The following SPRTN variants were observed in gnomAD, a reference collection of about 807,000 sequenced individuals.
SPRTN encodes the protein SprT-like N-terminal domain.
A neutral mutation model predicts 31.9 loss-of-function variants in SPRTN; 11 were observed. That is an observed-to-expected ratio of 0.34 (90% CI 0.22 to 0.57). The LOEUF is 0.57. SPRTN is among the 20% of genes least tolerant of loss of function. SPRTN has a pLI of 0.86. For synonymous variants in SPRTN, 185 were observed against 212.1 expected (o/e 0.87, Z 1.11); for missense variants, 482 against 590.1 (o/e 0.82, Z 1.90).
At chr1:231,340,081 G>C (rs1312480571) in intron 2 of SPRTN, 1 of 419,566 alleles carries the variant, frequency 2.4e-6, no homozygotes, top group Non-Finnish European at 4.3e-6. Context: ...GGCTTCTAGG[G>C]GCCGGGCACG....
rs140414301 is a variant in SPRTN at position 231,340,113 on chromosome 1, G to A, written c.321+245G>A. The A allele has an allele frequency of 6.8e-3, 2,122 of 310,382 alleles. 20 individuals carry two copies. The highest frequency in any genetic ancestry group is 9.7e-3 in the South Asian group (257 of 26,402). 19.2% of individuals were successfully genotyped at this position (310,382 alleles called of 1,614,324 possible). On this transcript the variant is annotated intron_variant, in intron 2 of 4. Coordinates refer to ENST00000295050, the MANE Select transcript of SPRTN (RefSeq NM_032018.7). ...CACGCTGGCTCACGCCTGTAATCCC[G>A]ACACTTTGGGAGGCCGAGGCGGGCG...
intron 4 of SPRTN, 35 bp from the exon 5 acceptor site, chr1:231,352,575 C>G: frequency 6.5e-7 from 1 of 1,530,938 alleles, no homozygotes; most frequent in African/African-American, 1.4e-5. Context: ...TGAGTTGAGG[C>G]ACTTACATAA....
intron 1 of SPRTN, 168 bp from the exon 2 acceptor site, chr1:231,339,601 G>T (rs1350524082): frequency 6.2e-6 from 5 of 807,746 alleles, no homozygotes; most frequent in Non-Finnish European, 4.2e-6. Context: ...GGCGCCCGCG[G>T]GGGTTGTAAC....
At position 231,354,364 on chromosome 1, in the gene SPRTN, T is replaced by C; in HGVS notation, c.*1003T>C. 3.0e-6 allele frequency: 3 copies of C among 985,348 alleles called. No homozygotes were observed. The highest frequency in any genetic ancestry group is 3.6e-6 in the Non-Finnish European group (3 of 829,836). The allele number at this position is 985,348 out of a possible 1,614,324, so 61.0% of individuals were successfully genotyped here. ...TGCTGTTGGCATAGCCCTAACACAG[T>C]TGTTCACAAGTTTTCTTTTTTCTTG... is the stretch of plus-strand genomic sequence containing the variant. On this transcript the variant is annotated 3_prime_UTR_variant, in exon 5 of 5. Transcript: ENST00000295050.
chr1:231,340,055 A>AAAC (rs1553343410), intron 2 of SPRTN, 187 bp downstream of exon 2: 3 of 500,426 alleles, frequency 6.0e-6, no homozygotes, highest in African/African-American at 2.0e-5. Context: ...AGTAAAAAAA[A>AAAC]AAAAAACAAA....
intron 4 of SPRTN, 60 bp from the exon 5 acceptor site, chr1:231,352,550 T>C (rs940228371): frequency 1.3e-6 from 2 of 1,520,618 alleles, no homozygotes; most frequent in African/African-American, 2.8e-5. Flanking sequence ...TTAATGTTTG[T>C]TACTGTATTT....
intron 2 of SPRTN, among the ~76,000 whole-genome samples, chr1:231,347,413 G>T (rs1379345772): frequency 1.3e-5 from 2 of 152,160 alleles, no homozygotes; most frequent in African/African-American, 4.8e-5. Flanking sequence ...AGGCTGGAGT[G>T]CAGTGGCACA....
At position 231,339,791 on chromosome 1, in the gene SPRTN, G is replaced by A. The variant is rs1377790976; in HGVS notation, c.244G>A (p.Glu82Lys). The A allele has an allele frequency of 6.2e-7, 1 of 1,614,194 alleles. No individual in the cohort carries two copies. The highest frequency in any genetic ancestry group is 1.7e-5 in the Admixed American group (1 of 60,020). Residue 82 changes from glutamate to lysine, a missense_variant, in exon 2 of 5, where the codon GAA (glutamate) becomes AAA (lysine). By Grantham distance (56) the Glu-to-Lys change is moderately conservative. Transcript: ENST00000295050. Reference protein sequence around the residue: ...MTLCAGICSYEGKGGMCSIRL... With the variant: ...MTLCAGICSYKGKGGMCSIRL... The stretch of plus-strand genomic sequence containing the variant: ...TAGGTGTGCTGGGATATGCAGCTAT[G>A]AAGGGAAGGGTGGAATGTGTTCCAT...
intron 4 of SPRTN, chr1:231,352,100 A>G (rs997754111): frequency 2.0e-6 from 2 of 989,456 alleles, no homozygotes; most frequent in African/African-American, 3.5e-5. Flanking sequence ...TTCATCTTCA[A>G]GATTTACCCT....
intron 2 of SPRTN, among the ~76,000 whole-genome samples, chr1:231,341,510 A>G (rs751430536): frequency 1.2e-4 from 18 of 152,122 alleles, no homozygotes; most frequent in Admixed American, 2.6e-4. Flanking sequence ...TGGATTGTCA[A>G]ATTAGGGATG....
intron 3 of SPRTN, among the ~76,000 whole-genome samples, 190 bp from the exon 4 acceptor site, chr1:231,351,114 A>G (rs113843993): frequency 1.7e-4 from 25 of 151,384 alleles, no homozygotes; most frequent in Admixed American, 1.5e-3. Context: ...GCTGTTTCCC[A>G]TTAAAATCAA....
At chr1:231,350,792 A>G (rs1239258367) in intron 3 of SPRTN, among the ~76,000 whole-genome samples, 1 of 150,872 alleles carries the variant, frequency 6.6e-6, no homozygotes, top group East Asian at 2.0e-4. Context: ...AGCTTAGCAG[A>G]AGCTTCACTG....
intron 1 of SPRTN, chr1:231,339,566 G>A: frequency 1.3e-6 from 1 of 742,880 alleles, no homozygotes; most frequent in Non-Finnish European, 2.4e-6. Flanking sequence ...TTCCTTGCCC[G>A]GCGGGGATCG....
In SPRTN at chr1:231,347,829, A is replaced by G; in HGVS notation, c.354A>G (p.Leu118=). The change falls in exon 3 of 5, where the codon TTA becomes TTG. Residue 118 remains leucine, a synonymous_variant. Coordinates refer to ENST00000295050, the MANE Select transcript of SPRTN (RefSeq NM_032018.7). The stretch of plus-strand genomic sequence containing the variant: ...TGCATGAAATGATACATGCCTATTT[A>G]TTTGTCACTAATAACGACAAAGACC... The part of the protein sequence containing the change: ...TLLHEMIHAY[L]FVTNNDKDRE... 1 of 1,613,482 alleles carries G rather than the reference A, an allele frequency of 6.2e-7. No individual in the cohort carries two copies. Among genetic ancestry groups the G allele is most frequent in the Non-Finnish European group, 8.5e-7 (1 of 1,179,872 alleles).
rs1185924861 is a variant in SPRTN, at chr1:231,339,756, G to A, written c.222-13G>A. On this transcript the variant is annotated splice_polypyrimidine_tract_variant and intron_variant, in intron 1 of 4. Transcript: ENST00000295050. ...GGCCAATGTAACACATTTTTATGGT[G>A]ATTGTTTTCTAGGTGTGCTGGGATA... 6.2e-7 allele frequency: 1 copy of A among 1,613,884 alleles called. No homozygotes were observed. Among genetic ancestry groups the A allele is most frequent in the African/African-American group, 1.3e-5 (1 of 74,918 alleles).
Position 231,353,790 on chromosome 1 carries a change from C to T in SPRTN, c.*429C>T, listed in dbSNP as rs184657283. ...TGATGTAAATCTTCATAGTGTCAGA[C>T]ATACTGACCAAAACCACAATCTAGA... On this transcript the variant is annotated 3_prime_UTR_variant, in exon 5 of 5. Coordinates refer to ENST00000295050, the MANE Select transcript of SPRTN (RefSeq NM_032018.7). 4 of 980,612 alleles carry T rather than the reference C, an allele frequency of 4.1e-6. No homozygotes were observed. The African/African-American group carries it at 5.2e-5, about 13-fold the overall frequency. 60.7% of individuals were successfully genotyped at this position (980,612 alleles called of 1,614,324 possible).
chr1:231,348,039 C>A, intron 3 of SPRTN, 114 bp downstream of exon 3: 1 of 1,439,406 alleles, frequency 6.9e-7, no homozygotes, highest in Non-Finnish European at 9.3e-7. Context: ...GGATTTTCCA[C>A]AGCGAACGAG....
chr1:231,349,149 A>AT (rs34960006), intron 3 of SPRTN, among the ~76,000 whole-genome samples: 79 of 146,490 alleles, frequency 5.4e-4, no homozygotes, highest in East Asian at 2.4e-3. Context: ...TTAAAAAAAA[A>AT]TTTTTTTTTT....
At chr1:231,346,183 C>CTTTTTTTTTTTT (rs71583771) in intron 2 of SPRTN, among the ~76,000 whole-genome samples, 4 of 89,104 alleles carry the variant, frequency 4.5e-5, no homozygotes, top group South Asian at 4.2e-4. Flanking sequence ...CTTTTCTTTT[C>CTTTTTTTTTTTT]TTTTTTTTTT....
Sources: gnomAD v4.1 joint callset for allele counts (sites outside exome capture counted in the v4.1 genomes callset) on GRCh38, gnomAD v4.1.1 for gene constraint, MANE v1.5 for transcripts, NCBI Gene and HGNC (gene_info 2026-07-23, HGNC 2026-07-21) for gene names.